Variants in MGAT4C observed in about 807,000 individuals in gnomAD.
The protein encoded by MGAT4C is MGAT4 family member C.
MGAT4C carries 19 observed loss-of-function variants against 40.1 expected under a neutral mutation model. The observed-to-expected ratio is 0.47, with a 90% confidence interval of 0.33 to 0.70. The LOEUF is 0.70. MGAT4C is among the 30% of genes least tolerant of loss of function. The pLI, the probability that MGAT4C is intolerant of heterozygous loss-of-function variation, is 0.02. For synonymous variants in MGAT4C, 181 were observed against 187.1 expected, an observed-to-expected ratio of 0.97 and a Z score of 0.27; for missense variants, 491 against 563.2, an observed-to-expected ratio of 0.87 and a Z score of 1.30.
chr12:86,177,727 G>A (rs1180105023), intron 1 of MGAT4C, among the ~76,000 whole-genome samples: 2 of 151,952 alleles, frequency 1.3e-5, no homozygotes, highest in Non-Finnish European at 1.5e-5. Flanking sequence ...TGTGATTACA[G>A]TGTCTAATAT....
intron 1 of MGAT4C, among the ~76,000 whole-genome samples, chr12:86,216,576 A>C (rs570956495): frequency 6.6e-6 from 1 of 152,334 alleles, no homozygotes; most frequent in East Asian, 1.9e-4. Flanking sequence ...TTATATATTT[A>C]TGTATGTCAC....
chr12:86,423,401 A>C (rs1271922239), intron 3 of MGAT4C, among the ~76,000 whole-genome samples: 1 of 151,838 alleles, frequency 6.6e-6, no homozygotes, highest in Non-Finnish European at 1.5e-5. Context: ...AAAAAAATTA[A>C]CAAGTCTCAG....
chr12:86,394,118 CATA>C (rs1166275467), intron 3 of MGAT4C, among the ~76,000 whole-genome samples: 1 of 152,118 alleles, frequency 6.6e-6, no homozygotes, highest in Non-Finnish European at 1.5e-5. Flanking sequence ...AGGCCACTAG[CATA>C]ATAAGGTAAC....
intron 3 of MGAT4C, among the ~76,000 whole-genome samples, chr12:86,391,936 C>A (rs1956167966): frequency 1.3e-5 from 2 of 152,094 alleles, no homozygotes; most frequent in Admixed American, 1.3e-4. Flanking sequence ...ACTCTAAGTT[C>A]TGTTACATTT....
At chr12:86,407,285 T>C (rs1956493928) in intron 3 of MGAT4C, among the ~76,000 whole-genome samples, 1 of 152,112 alleles carries the variant, frequency 6.6e-6, no homozygotes, top group Non-Finnish European at 1.5e-5. Context: ...TTATCAACAC[T>C]GTTTTCACAG....
At chr12:86,010,833 G>A (rs1015859826) in intron 2 of MGAT4C, among the ~76,000 whole-genome samples, 3 of 152,106 alleles carry the variant, frequency 2.0e-5, no homozygotes, top group African/African-American at 7.2e-5. Flanking sequence ...ATGGATTAAT[G>A]GGCTAATGGA....
chr12:86,791,625 A>AT (rs2136193392), intron 1 of MGAT4C, among the ~76,000 whole-genome samples: 1 of 152,066 alleles, frequency 6.6e-6, no homozygotes, highest in South Asian at 2.1e-4. Flanking sequence ...TTCTCCCTAC[A>AT]TTTTTTGACC....
chr12:86,658,616 A>G (rs1963903548), intron 2 of MGAT4C, among the ~76,000 whole-genome samples: 1 of 152,146 alleles, frequency 6.6e-6, no homozygotes, highest in African/African-American at 2.4e-5. Context: ...GGTGCCTATT[A>G]TGGAATGATC....
intron 1 of MGAT4C, among the ~76,000 whole-genome samples, chr12:86,127,784 A>G (rs1880519652): frequency 6.6e-6 from 1 of 152,154 alleles, no homozygotes. Flanking sequence ...TCATCTACGC[A>G]GTGTTTTCCA....
intron 3 of MGAT4C, among the ~76,000 whole-genome samples, chr12:86,350,603 GA>G (rs1955136255): frequency 6.6e-6 from 1 of 152,116 alleles, no homozygotes; most frequent in East Asian, 1.9e-4. Context: ...ATGCATAAAA[GA>G]AAAAAGAACA....
At chr12:86,528,171 A>C (rs1333687272) in intron 2 of MGAT4C, among the ~76,000 whole-genome samples, 1 of 152,148 alleles carries the variant, frequency 6.6e-6, no homozygotes, top group African/African-American at 2.4e-5. Context: ...ATACATTTGA[A>C]AACATTTTAA....
chr12:86,102,032 C>T (rs1395552263), intron 1 of MGAT4C, among the ~76,000 whole-genome samples: 1 of 151,820 alleles, frequency 6.6e-6, no homozygotes, highest in Non-Finnish European at 1.5e-5. Context: ...TAATTAATCA[C>T]AAATGACAGA....
chr12:86,348,766 G>A (rs568994361), intron 3 of MGAT4C, among the ~76,000 whole-genome samples: 1 of 151,942 alleles, frequency 6.6e-6, no homozygotes, highest in African/African-American at 2.4e-5. Flanking sequence ...TCAATCATTC[G>A]TGATGTTTGG....
chr12:86,604,892 C>T (rs1389711409), intron 2 of MGAT4C, among the ~76,000 whole-genome samples: 1 of 152,154 alleles, frequency 6.6e-6, no homozygotes. Flanking sequence ...GGAGCATGTA[C>T]CATGTCTCTT....
intron 2 of MGAT4C, among the ~76,000 whole-genome samples, chr12:86,564,853 C>CCTGTTGTG (rs1960020810): frequency 6.6e-6 from 1 of 152,102 alleles, no homozygotes; most frequent in Non-Finnish European, 1.5e-5. Flanking sequence ...TGCAACAGGT[C>CCTGTTGTG]CAGGCTGCTG....
intron 1 of MGAT4C, among the ~76,000 whole-genome samples, chr12:86,752,634 A>T (rs927603477): frequency 6.6e-6 from 1 of 152,100 alleles, no homozygotes; most frequent in Non-Finnish European, 1.5e-5. Context: ...TGAACATAGG[A>T]TATCTCTCAA....
intron 1 of MGAT4C, among the ~76,000 whole-genome samples, chr12:86,235,992 A>G (rs967683973): frequency 6.6e-6 from 1 of 152,100 alleles, no homozygotes; most frequent in Admixed American, 6.6e-5. Flanking sequence ...CTCTTGGATT[A>G]ACATAGCATT....
At chr12:86,319,812 T>G (rs1954335933) in intron 4 of MGAT4C, among the ~76,000 whole-genome samples, 2 of 152,162 alleles carry the variant, frequency 1.3e-5, no homozygotes, top group East Asian at 1.9e-4. Context: ...ATCTGAAAGT[T>G]GAAAGGGGCT....
rs536169450 is a variant in MGAT4C, at chr12:86,094,734, G to C, written c.-56-45011C>G. Among the ~76,000 whole-genome samples, 2 of 151,998 alleles carry C rather than the reference G, an allele frequency of 1.3e-5. 1 individual carries two copies. Among genetic ancestry groups the C allele is most frequent in the South Asian group, 4.1e-4 (2 of 4,832 alleles). ...TCCTGAGTATGAGGCCTTGAAATTTGTGATTGCTGTTTTTTTGCTTGGTAT... is the reference window on the plus strand; with the variant it reads ...TCCTGAGTATGAGGCCTTGAAATTTCTGATTGCTGTTTTTTTGCTTGGTAT... On this transcript the variant is annotated intron_variant, in intron 1 of 4. Coordinates refer to ENST00000611864, the MANE Select transcript of MGAT4C (RefSeq NM_001351288.2).
Sources: gnomAD v4.1 joint callset for allele counts (sites outside exome capture counted in the v4.1 genomes callset) on GRCh38, gnomAD v4.1.1 for gene constraint, MANE v1.5 for transcripts, NCBI Gene and HGNC (gene_info 2026-07-23, HGNC 2026-07-21) for gene names.